PPA2: variants seen among roughly 807,000 people sequenced by gnomAD.
The protein encoded by PPA2 is inorganic pyrophosphatase 2.
Under a neutral mutation model 49.5 loss-of-function variants are expected in PPA2, and 48 were observed. The ratio of observed to expected loss-of-function variants is 0.97; its 90% CI spans 0.77 to 1.23. PPA2 has a LOEUF of 1.23. Among genes scored for constraint, PPA2 ranks in the 50% most tolerant of loss-of-function variants. The pLI, the probability that PPA2 is intolerant of heterozygous loss-of-function variation, is 0.00. For synonymous variants in PPA2, 131 were observed against 139.9 expected (o/e 0.94, Z 0.45); for missense variants, 429 against 410.1 (o/e 1.05, Z -0.40).
intron 7 of PPA2, among the ~76,000 whole-genome samples, chr4:105,406,656 T>G (rs1395369492): frequency 1.3e-5 from 2 of 152,188 alleles, no homozygotes; most frequent in East Asian, 3.8e-4. Context: ...TCCATGCATA[T>G]GAAAGTCTCA....
intron 7 of PPA2, among the ~76,000 whole-genome samples, chr4:105,409,005 C>G (rs1406556842): frequency 6.6e-6 from 1 of 152,202 alleles, no homozygotes; most frequent in African/African-American, 2.4e-5. Context: ...TGGGTGATAT[C>G]TGCATTTCAA....
chr4:105,452,537 T>C (rs1164214441), intron 3 of PPA2, among the ~76,000 whole-genome samples: 1 of 152,136 alleles, frequency 6.6e-6, no homozygotes, highest in African/African-American at 2.4e-5. Flanking sequence ...GTGGTTCCAG[T>C]GTAGATGGTT....
chr4:105,438,108 A>G (rs1724152434), intron 5 of PPA2, 72 bp from the exon 6 acceptor site: 1 of 1,083,662 alleles, frequency 9.2e-7, no homozygotes, highest in Admixed American at 2.7e-5. Context: ...TTTCCACATA[A>G]TCACAAAGTT....
Position 105,396,435 on chromosome 4 carries a change from C to T in PPA2, c.784-101G>A, listed in dbSNP as rs964143717. The T allele has an allele frequency of 5.1e-6, 4 of 779,386 alleles. No individual in the cohort carries two copies. The African/African-American group carries it at 7.1e-5, about 14-fold the overall frequency. The allele number at this position is 779,386 out of a possible 1,614,324, so 48.3% of individuals were successfully genotyped here. A position where few individuals can be genotyped will look rare whatever the true frequency, so the allele number is the denominator to read the frequency against. On this transcript the variant is annotated intron_variant, in intron 8 of 11. Transcript: ENST00000341695. ...TGTGATGACAGTTAATTGTTAAGAG[C>T]ATGAGCTCCAGAGTCAGGCAAAGCT... is the stretch of plus-strand genomic sequence containing the variant.
At chr4:105,472,474 A>G (rs1723562889) in intron 1 of PPA2, among the ~76,000 whole-genome samples, 1 of 152,250 alleles carries the variant, frequency 6.6e-6, no homozygotes, top group South Asian at 2.1e-4. Flanking sequence ...CAAATCTAGA[A>G]TACTTGCAGT....
intron 7 of PPA2, among the ~76,000 whole-genome samples, chr4:105,419,086 C>A (rs1297585393): frequency 6.6e-6 from 1 of 152,114 alleles, no homozygotes; most frequent in Non-Finnish European, 1.5e-5. Flanking sequence ...CCAATAAGAG[C>A]ATTAGGGCAT....
intron 1 of PPA2, among the ~76,000 whole-genome samples, chr4:105,469,850 T>C (rs949512801): frequency 1.3e-5 from 2 of 152,230 alleles, no homozygotes; most frequent in African/African-American, 4.8e-5. Flanking sequence ...CTCAAACAAA[T>C]TTTGTGGATT....
intron 6 of PPA2, among the ~76,000 whole-genome samples, chr4:105,430,015 G>C (rs111341978): frequency 2.8e-4 from 43 of 152,278 alleles, no homozygotes; most frequent in Middle Eastern, 3.4e-3. Context: ...TTATATGCAT[G>C]CATTCTTTGT....
intron 10 of PPA2, among the ~76,000 whole-genome samples, chr4:105,386,172 T>C (rs917752223): frequency 6.6e-6 from 1 of 152,088 alleles, no homozygotes; most frequent in Non-Finnish European, 1.5e-5. Context: ...GGAGCTCCCA[T>C]GCTGGGCCAA....
chr4:105,431,739 T>C (rs1244506602), intron 6 of PPA2, among the ~76,000 whole-genome samples: 1 of 152,188 alleles, frequency 6.6e-6, no homozygotes, highest in Non-Finnish European at 1.5e-5. Context: ...AGCAGAATAT[T>C]ATTCAGCCAT....
chr4:105,372,936 T>C (rs1733086174), intron 10 of PPA2, among the ~76,000 whole-genome samples: 1 of 152,228 alleles, frequency 6.6e-6, no homozygotes, highest in African/African-American at 2.4e-5. Flanking sequence ...CAAACAGACT[T>C]TGTTTTATTT....
chr4:105,429,396 G>GA (rs111929459), intron 6 of PPA2, among the ~76,000 whole-genome samples: 24,922 of 152,126 alleles, frequency 0.16, 2,547 homozygotes, highest in African/African-American at 0.28. Context: ...TTTTCAGCAC[G>GA]AATATAACTT....
At chr4:105,393,143 G>A (rs190399346) in intron 9 of PPA2, among the ~76,000 whole-genome samples, 1 of 152,214 alleles carries the variant, frequency 6.6e-6, no homozygotes, top group Admixed American at 6.5e-5. Flanking sequence ...AGGCAAGAAA[G>A]GTTATCTAAA....
At chr4:105,398,685 A>G (rs72668219) in intron 8 of PPA2, 20,000 of 163,552 alleles carry the variant, frequency 0.12, 1,300 homozygotes, top group African/African-American at 0.15. Context: ...GGAGTCCCCT[A>G]TGGATTTACA....
chr4:105,421,317 A>G (rs1235656460), intron 7 of PPA2, among the ~76,000 whole-genome samples: 2 of 152,220 alleles, frequency 1.3e-5, no homozygotes, highest in African/African-American at 4.8e-5. Context: ...CAACCATTCA[A>G]AAGAACAAAA....
chr4:105,392,996 G>T (rs1390769607), intron 9 of PPA2, among the ~76,000 whole-genome samples: 1 of 152,114 alleles, frequency 6.6e-6, no homozygotes, highest in Non-Finnish European at 1.5e-5. Flanking sequence ...GAGTAACATG[G>T]CCAGTTCAAG....
chr4:105,454,566 C>A (rs1722806608), intron 2 of PPA2, among the ~76,000 whole-genome samples: 1 of 152,126 alleles, frequency 6.6e-6, no homozygotes, highest in Non-Finnish European at 1.5e-5. Context: ...GATCTCCTGA[C>A]CTCATGATCC....
chr4:105,376,175 G>A (rs915116808), intron 10 of PPA2, among the ~76,000 whole-genome samples: 3 of 152,148 alleles, frequency 2.0e-5, no homozygotes, highest in African/African-American at 7.2e-5. Context: ...GACTGATAAC[G>A]TTTTGGGATG....
chr4:105,410,153 G>T (rs1578831382), intron 7 of PPA2, among the ~76,000 whole-genome samples: 2 of 152,156 alleles, frequency 1.3e-5, no homozygotes, highest in African/African-American at 4.8e-5. Flanking sequence ...TCGCAAAGAA[G>T]CTAAAAACCT....
Sources: allele counts gnomAD v4.1 joint callset (sites outside exome capture counted in the v4.1 genomes callset), GRCh38; gene constraint gnomAD v4.1.1; transcripts MANE v1.5; gene names NCBI Gene and HGNC (gene_info 2026-07-23, HGNC 2026-07-21).